Variants in ADGRL2 observed in about 807,000 individuals in gnomAD.
ADGRL2 encodes calcium-independent alpha-latrotoxin receptor 2.
ADGRL2 carries 44 observed loss-of-function variants against 157.4 expected under a neutral mutation model. The ratio of observed to expected loss-of-function variants is 0.28; its 90% CI spans 0.22 to 0.36. ADGRL2 has a LOEUF of 0.36. Ranked by LOEUF, ADGRL2 falls within the 10% of genes least tolerant of loss-of-function variation. The probability of loss-of-function intolerance (pLI) is 1.00; values close to 1 mark genes in which losing one functional copy is unlikely to be tolerated. For synonymous variants in ADGRL2, 585 were observed against 624.7 expected (o/e 0.94, Z 0.95); for missense variants, 1,510 against 1,768.9 (o/e 0.85, Z 2.63).
At chr1:81,466,672 C>T (rs200886683) in intron 2 of ADGRL2, among the ~76,000 whole-genome samples, 1 of 42,456 alleles carries the variant, frequency 2.4e-5, no homozygotes, top group Non-Finnish European at 6.9e-5. Context: ...CTCTCTCTCA[C>T]GCGCGCGCAC....
chr1:81,381,908 A>G (rs1038512617), intron 1 of ADGRL2, among the ~76,000 whole-genome samples: 5 of 152,202 alleles, frequency 3.3e-5, no homozygotes, highest in Non-Finnish European at 5.9e-5. Context: ...TTTATCCTAT[A>G]TAAAAACAAT....
chr1:81,920,428 C>T (rs1158916971), intron 3 of ADGRL2, among the ~76,000 whole-genome samples: 2 of 152,174 alleles, frequency 1.3e-5, no homozygotes, highest in Admixed American at 6.5e-5. Flanking sequence ...CTGTTTCTCC[C>T]AGCTGTCAAG....
At chr1:81,476,189 GGAAA>G (rs888750194) in intron 2 of ADGRL2, among the ~76,000 whole-genome samples, 5 of 151,980 alleles carry the variant, frequency 3.3e-5, no homozygotes, top group African/African-American at 1.2e-4. Flanking sequence ...AAGAAAAAAA[GGAAA>G]GAAAGGGAAA....
At chr1:81,790,354 T>C (rs2087273446) in intron 2 of ADGRL2, among the ~76,000 whole-genome samples, 1 of 152,156 alleles carries the variant, frequency 6.6e-6, no homozygotes, top group South Asian at 2.1e-4. Flanking sequence ...ACATTTTTGT[T>C]TCTTTTTACT....
chr1:81,326,357 G>A (rs1188597887), intron 1 of ADGRL2, among the ~76,000 whole-genome samples: 3 of 152,200 alleles, frequency 2.0e-5, no homozygotes, highest in South Asian at 4.1e-4. Context: ...AAGACCGTCT[G>A]TTAAGACTAG....
At chr1:81,941,757 G>A (rs1164122356) in intron 4 of ADGRL2, among the ~76,000 whole-genome samples, 1 of 151,634 alleles carries the variant, frequency 6.6e-6, no homozygotes, top group Non-Finnish European at 1.5e-5. Context: ...TATTTATTCA[G>A]GTACACTAAG....
chr1:81,533,049 G>A (rs186883212), intron 2 of ADGRL2, among the ~76,000 whole-genome samples: 55 of 151,978 alleles, frequency 3.6e-4, no homozygotes, highest in African/African-American at 1.3e-3. Flanking sequence ...ACTAAAGAGT[G>A]GTTAGAATTT....
intron 1 of ADGRL2, among the ~76,000 whole-genome samples, chr1:81,315,964 A>G (rs1387386396): frequency 6.6e-6 from 1 of 152,144 alleles, no homozygotes. Context: ...AGACATTGAC[A>G]TGAATACTTA....
intron 2 of ADGRL2, among the ~76,000 whole-genome samples, chr1:81,556,312 A>ATTTTTTTTTT (rs145670261): frequency 5.7e-5 from 5 of 87,130 alleles, no homozygotes; most frequent in East Asian, 3.7e-4. Flanking sequence ...GGCTGTCACA[A>ATTTTTTTTTT]TTTTTTTTTT....
chr1:81,824,973 C>CTCTT (rs201883678), intron 1 of ADGRL2, among the ~76,000 whole-genome samples: 2 of 118,052 alleles, frequency 1.7e-5, no homozygotes, highest in African/African-American at 6.3e-5. Context: ...CTCTCTCTCT[C>CTCTT]TCTCTCTCTG....
intron 2 of ADGRL2, among the ~76,000 whole-genome samples, chr1:81,530,501 C>T (rs1219917430): frequency 6.6e-6 from 1 of 152,054 alleles, no homozygotes; most frequent in Non-Finnish European, 1.5e-5. Flanking sequence ...GTATGCACCA[C>T]CACACCAGCT....
intron 2 of ADGRL2, among the ~76,000 whole-genome samples, chr1:81,573,469 C>T (rs2080735917): frequency 6.6e-6 from 1 of 152,062 alleles, no homozygotes; most frequent in African/African-American, 2.4e-5. Context: ...TCTATGATCA[C>T]CAAAGATTTA....
At chr1:81,764,607 T>C (rs1364116226) in intron 2 of ADGRL2, among the ~76,000 whole-genome samples, 10 of 152,088 alleles carry the variant, frequency 6.6e-5, no homozygotes, top group Admixed American at 6.5e-4. Context: ...CTATAAAACC[T>C]AGGAGAGACT....
At chr1:81,549,411 C>A (rs772525929) in intron 2 of ADGRL2, among the ~76,000 whole-genome samples, 18 of 152,122 alleles carry the variant, frequency 1.2e-4, no homozygotes, top group Non-Finnish European at 2.5e-4. Flanking sequence ...GTTACTTGAC[C>A]TTTTTCAGTT....
At chr1:81,798,400 A>C (rs1366057839), upstream of ADGRL2, among the ~76,000 whole-genome samples, 1 of 152,140 alleles carries the variant, frequency 6.6e-6, no homozygotes. Flanking sequence ...TAAAGAAATA[A>C]TTAAAAATCT....
intron 2 of ADGRL2, among the ~76,000 whole-genome samples, chr1:81,458,475 A>G (rs2077853528): frequency 6.6e-6 from 1 of 152,106 alleles, no homozygotes; most frequent in Non-Finnish European, 1.5e-5. Context: ...CAGGGTTCCT[A>G]TGGTGCCACT....
intron 1 of ADGRL2, among the ~76,000 whole-genome samples, chr1:81,801,580 C>T (rs1206095052): frequency 6.6e-6 from 1 of 152,332 alleles, no homozygotes; most frequent in Admixed American, 6.5e-5. Context: ...TCCTTGCTTC[C>T]CCGAGCCCGA....
intron 4 of ADGRL2, among the ~76,000 whole-genome samples, chr1:81,940,818 A>G (rs1290206353): frequency 6.6e-6 from 1 of 151,594 alleles, no homozygotes; most frequent in Non-Finnish European, 1.5e-5. Context: ...CTTCAAGCCT[A>G]TATACAATGT....
chr1:81,745,543 C>T (rs965950160), intron 1 of ADGRL2, among the ~76,000 whole-genome samples: 3 of 152,046 alleles, frequency 2.0e-5, no homozygotes, highest in Admixed American at 1.3e-4. Flanking sequence ...GATCAATGTA[C>T]GAAAACAGAG....
Sources: gnomAD v4.1 joint callset for allele counts (sites outside exome capture counted in the v4.1 genomes callset) on GRCh38, gnomAD v4.1.1 for gene constraint, MANE v1.5 for transcripts, NCBI Gene and HGNC (gene_info 2026-07-23, HGNC 2026-07-21) for gene names.